Variants in MAGI1 observed in about 807,000 individuals in gnomAD.
MAGI1 encodes membrane-associated guanylate kinase, WW and PDZ domain-containing protein 1.
In MAGI1, 58 loss-of-function variants were observed where a neutral mutation model predicts 139.9. The observed-to-expected ratio is 0.41, with a 90% CI of 0.34 to 0.52. The LOEUF is 0.52. Among genes scored for constraint, MAGI1 ranks in the 20% least tolerant of loss-of-function variants. MAGI1 has a pLI of 0.12. For synonymous variants in MAGI1, 812 were observed against 737.9 expected, an observed-to-expected ratio of 1.10 and a Z score of -1.63; for missense variants, 1,874 against 1,901.6, an observed-to-expected ratio of 0.99 and a Z score of 0.27.
chr3:65,723,392 T>G (rs1401334388), intron 1 of MAGI1, among the ~76,000 whole-genome samples: 1 of 152,102 alleles, frequency 6.6e-6, no homozygotes, highest in African/African-American at 2.4e-5. Flanking sequence ...GTTAAGAGTT[T>G]CCCCACCCCA....
intron 1 of MAGI1, among the ~76,000 whole-genome samples, chr3:65,974,784 G>A (rs1262759804): frequency 6.6e-6 from 1 of 152,112 alleles, no homozygotes; most frequent in Non-Finnish European, 1.5e-5. Flanking sequence ...CAAGAGAGAG[G>A]GAAATAGAAA....
chr3:65,468,201 C>T (rs1459963428), intron 5 of MAGI1, among the ~76,000 whole-genome samples: 1 of 152,084 alleles, frequency 6.6e-6, no homozygotes. Flanking sequence ...CACTTCTTGA[C>T]TCTCAAGAAA....
chr3:65,448,961 G>C (rs894101496), intron 6 of MAGI1, among the ~76,000 whole-genome samples: 1 of 152,074 alleles, frequency 6.6e-6, no homozygotes, highest in Non-Finnish European at 1.5e-5. Flanking sequence ...CACAGGAATT[G>C]AGCCTGTTTT....
Position 65,530,710 on chromosome 3 carries a change from CGTGT to C in MAGI1, c.431-37083_431-37080del, listed in dbSNP as rs1367581475. On this transcript the variant is annotated intron_variant, in intron 2 of 22. Transcript: ENST00000402939. ...ACGTGTATATATATACACATATACA[CGTGT>C]ATATATATACACACGTATATATATA... Among the ~76,000 whole-genome samples, 625 of 112,560 alleles carry C rather than the reference CGTGT, an allele frequency of 5.6e-3. 17 individuals are homozygous for C. The highest frequency in any genetic ancestry group is 0.015 in the Middle Eastern group (3 of 198). The allele number at this position is 112,560 out of a possible 152,430, so 73.8% of individuals were successfully genotyped here.
chr3:65,576,171 T>G (rs533434300), intron 2 of MAGI1, among the ~76,000 whole-genome samples: 142 of 152,360 alleles, frequency 9.3e-4, no homozygotes, highest in Non-Finnish European at 1.7e-3. Flanking sequence ...ATGTAGAGCA[T>G]GCATACTTAG....
Position 65,742,362 on chromosome 3 carries a change from A to G in MAGI1, c.314-120274T>C, listed in dbSNP as rs149070995. On this transcript the variant is annotated intron_variant, in intron 1 of 22. Transcript: ENST00000402939. ...TCTTTTTCCCCATTATGAAAATCCA[A>G]TATACCCAGAGCCTGCTTCTCATTT... Among the ~76,000 whole-genome samples the G allele has an allele frequency of 2.3e-3, 356 of 152,256 alleles. 2 individuals are homozygous for G. Among genetic ancestry groups the G allele is most frequent in the African/African-American group, 8.0e-3 (333 of 41,554 alleles).
intron 1 of MAGI1, among the ~76,000 whole-genome samples, chr3:65,654,907 G>A (rs2085786661): frequency 6.6e-6 from 1 of 152,190 alleles, no homozygotes; most frequent in African/African-American, 2.4e-5. Flanking sequence ...AAATGTAAAA[G>A]TTTAAGCATA....
chr3:65,789,195 A>G (rs1332289815), intron 1 of MAGI1, among the ~76,000 whole-genome samples: 2 of 152,124 alleles, frequency 1.3e-5, no homozygotes, highest in Non-Finnish European at 2.9e-5. Flanking sequence ...AATAACAAAC[A>G]AATGATAATA....
At position 65,483,527 on chromosome 3, in the gene MAGI1, A is replaced by G. The variant is rs114561858; in HGVS notation, c.551-4729T>C. Among the ~76,000 whole-genome samples, 853 of 152,366 alleles carry G rather than the reference A, an allele frequency of 5.6e-3. 9 individuals are homozygous for G. The highest frequency in any genetic ancestry group is 0.017 in the African/African-American group (717 of 41,584). The stretch of plus-strand genomic sequence containing the variant: ...AGTATGCGCGACTTAACAGTATTAA[A>G]TAAAAATCATCTGAAAAATTGTAAG... On this transcript the variant is annotated intron_variant, in intron 3 of 22. Coordinates refer to ENST00000402939, the MANE Select transcript of MAGI1 (RefSeq NM_001033057.2).
At chr3:65,359,179 G>A in intron 22 of MAGI1, 2 of 1,610,604 alleles carry the variant, frequency 1.2e-6, no homozygotes, top group South Asian at 2.2e-5. Context: ...CCAGCACCAA[G>A]AACAGTCAGA....
intron 2 of MAGI1, among the ~76,000 whole-genome samples, chr3:65,529,511 C>T (rs556590552): frequency 6.6e-6 from 1 of 152,186 alleles, no homozygotes; most frequent in Non-Finnish European, 1.5e-5. Context: ...GTTTTCAAGG[C>T]ATGTAATGTG....
intron 3 of MAGI1, among the ~76,000 whole-genome samples, chr3:65,482,437 G>A (rs984659504): frequency 3.3e-5 from 5 of 152,154 alleles, no homozygotes; most frequent in Admixed American, 2.6e-4. Context: ...CATGGTAACT[G>A]AGCACTAAGC....
chr3:65,639,324 A>G (rs2084838142), intron 1 of MAGI1, among the ~76,000 whole-genome samples: 2 of 152,286 alleles, frequency 1.3e-5, no homozygotes, highest in Non-Finnish European at 2.9e-5. Context: ...GTTGAAATGA[A>G]GTCTAATTTA....
intron 1 of MAGI1, among the ~76,000 whole-genome samples, chr3:65,796,453 C>G (rs894339684): frequency 6.6e-6 from 1 of 152,114 alleles, no homozygotes; most frequent in Admixed American, 6.6e-5. Flanking sequence ...CAAAATTAAC[C>G]ATTACAGCTG....
intron 7 of MAGI1, among the ~76,000 whole-genome samples, chr3:65,444,916 C>T (rs1187214179): frequency 6.6e-6 from 1 of 152,204 alleles, no homozygotes; most frequent in Admixed American, 6.5e-5. Context: ...AGAAATTAGT[C>T]TCCTAATGCT....
intron 1 of MAGI1, among the ~76,000 whole-genome samples, chr3:65,925,514 T>C (rs2062453470): frequency 6.6e-6 from 1 of 152,204 alleles, no homozygotes; most frequent in Admixed American, 6.5e-5. Flanking sequence ...AGGAACTTTG[T>C]TCACTATAGT....
At chr3:65,693,885 G>A (rs1252644706) in intron 1 of MAGI1, among the ~76,000 whole-genome samples, 4 of 136,930 alleles carry the variant, frequency 2.9e-5, no homozygotes, top group Admixed American at 2.1e-4. Flanking sequence ...ATCATGCCTG[G>A]CTAATTTTTG....
chr3:65,669,188 G>A (rs2086705658), intron 1 of MAGI1, among the ~76,000 whole-genome samples: 1 of 152,062 alleles, frequency 6.6e-6, no homozygotes, highest in African/African-American at 2.4e-5. Flanking sequence ...ATTGCACCCA[G>A]CCTTTTTTAC....
At chr3:65,501,453 C>CAAAA (rs35967662) in intron 2 of MAGI1, among the ~76,000 whole-genome samples, 1,757 of 79,876 alleles carry the variant, frequency 0.022, 106 homozygotes, top group African/African-American at 0.069. Context: ...GACTCTGTCT[C>CAAAA]AAAAAAAAAA....
Sources: allele counts gnomAD v4.1 joint callset (sites outside exome capture counted in the v4.1 genomes callset), GRCh38; gene constraint gnomAD v4.1.1; transcripts MANE v1.5; gene names NCBI Gene and HGNC (gene_info 2026-07-23, HGNC 2026-07-21).